The following FTO variants were observed in gnomAD, a reference collection of about 807,000 sequenced individuals.
The protein encoded by FTO is FTO alpha-ketoglutarate dependent dioxygenase.
In FTO, 47 loss-of-function variants were observed where a neutral mutation model predicts 63.9. The ratio of observed to expected loss-of-function variants is 0.74; its 90% CI spans 0.58 to 0.94. The LOEUF is 0.94. Among genes scored for constraint, FTO ranks in the 40% least tolerant of loss-of-function variants. The pLI is 0.00. For missense variants in FTO, 562 were observed against 618.1 expected (o/e 0.91, Z 0.96); for synonymous variants, 207 against 224.4 (o/e 0.92, Z 0.69).
At chr16:53,825,830 A>G (rs756784928) in intron 2 of FTO, 34 bp from the exon 3 acceptor site, 56 of 1,607,138 alleles carry the variant, frequency 3.5e-5, no homozygotes, top group Non-Finnish European at 5.1e-6. Flanking sequence ...GTAGCTATAT[A>G]TCAACGTCTG....
intron 8 of FTO, among the ~76,000 whole-genome samples, chr16:53,970,534 T>C (rs1317885090): frequency 6.9e-6 from 1 of 144,760 alleles, no homozygotes; most frequent in Non-Finnish European, 1.5e-5. Context: ...GAGGTCATAG[T>C]GAGCCGAGAT....
At chr16:53,803,626 G>A (rs1427379965) in intron 1 of FTO, among the ~76,000 whole-genome samples, 1 of 152,122 alleles carries the variant, frequency 6.6e-6, no homozygotes, top group Non-Finnish European at 1.5e-5. Flanking sequence ...CTTGCCTCAG[G>A]GATGGTGTGG....
At chr16:54,019,510 G>T (rs746296111) in intron 8 of FTO, among the ~76,000 whole-genome samples, 1 of 152,126 alleles carries the variant, frequency 6.6e-6, no homozygotes, top group Non-Finnish European at 1.5e-5. Context: ...CAAGTACTGG[G>T]CTTTGTCCAA....
At chr16:53,942,623 C>G (rs1258190507) in intron 8 of FTO, among the ~76,000 whole-genome samples, 2 of 152,194 alleles carry the variant, frequency 1.3e-5, no homozygotes, top group Admixed American at 1.3e-4. Flanking sequence ...TGGTCACCTG[C>G]TAATGTCCTC....
At chr16:53,766,192 G>A (rs1316183862) in intron 1 of FTO, among the ~76,000 whole-genome samples, 1 of 152,118 alleles carries the variant, frequency 6.6e-6, no homozygotes, top group Non-Finnish European at 1.5e-5. Flanking sequence ...AAATTTCCAG[G>A]CTTTTAGCTT....
Position 54,117,886 on chromosome 16 carries a change from C to G in FTO, c.*5971C>G, listed in dbSNP as rs1223718048. On this transcript the variant is annotated 3_prime_UTR_variant, in exon 9 of 9. Coordinates refer to ENST00000471389, the MANE Select transcript of FTO (RefSeq NM_001080432.3). Reference sequence around the variant, plus strand: ...AGGGGAGGGAAGCATTAATTAACCTCCAGCATTAGATTCAGTGATTCTTTT... The same window carrying G: ...AGGGGAGGGAAGCATTAATTAACCTGCAGCATTAGATTCAGTGATTCTTTT... 1 of 152,204 alleles carries G rather than the reference C, an allele frequency of 6.6e-6. No individual in the cohort carries two copies. Among genetic ancestry groups the G allele is most frequent in the Non-Finnish European group, 1.5e-5 (1 of 68,026 alleles). The allele number at this position is 152,204 out of a possible 1,614,324, so 9.4% of individuals were successfully genotyped here. A position where few individuals can be genotyped will look rare whatever the true frequency, so the allele number is the denominator to read the frequency against.
At chr16:53,915,823 G>C (rs894649094) in intron 7 of FTO, among the ~76,000 whole-genome samples, 1 of 152,210 alleles carries the variant, frequency 6.6e-6, no homozygotes, top group African/African-American at 2.4e-5. Flanking sequence ...TTTGGGTATG[G>C]AATGTGTAAC....
chr16:53,909,604 C>T (rs938714784), intron 7 of FTO, among the ~76,000 whole-genome samples: 4 of 139,932 alleles, frequency 2.9e-5, no homozygotes, highest in Non-Finnish European at 6.1e-5. Context: ...CACTCTGTCA[C>T]CCAGGCTGGA....
At chr16:53,903,256 G>GT (rs10566001) in intron 7 of FTO, among the ~76,000 whole-genome samples, 13,189 of 142,508 alleles carry the variant, frequency 0.093, 592 homozygotes, top group Middle Eastern at 0.1. Context: ...GGATATTCTA[G>GT]TTTTTTTTTT....
At chr16:53,986,785 G>T (rs2083678468) in intron 8 of FTO, among the ~76,000 whole-genome samples, 1 of 152,138 alleles carries the variant, frequency 6.6e-6, no homozygotes, top group African/African-American at 2.4e-5. Context: ...GTGTCTTTAG[G>T]CTGAGCTGTA....
intron 8 of FTO, among the ~76,000 whole-genome samples, chr16:54,068,706 T>A (rs1020303951): frequency 3.9e-5 from 6 of 152,186 alleles, no homozygotes; most frequent in Non-Finnish European, 7.3e-5. Flanking sequence ...TTATCATTTT[T>A]ACTACTTACA....
At chr16:54,111,651 C>T (rs1203753268) in intron 8 of FTO, 111 bp from the exon 9 acceptor site, 11 of 1,126,402 alleles carry the variant, frequency 9.8e-6, no homozygotes, top group African/African-American at 9.2e-5. Flanking sequence ...TGACCTTCAC[C>T]CCCGAGGACT....
At chr16:53,759,732 A>T (rs2077008974) in intron 1 of FTO, among the ~76,000 whole-genome samples, 1 of 151,392 alleles carries the variant, frequency 6.6e-6, no homozygotes, top group East Asian at 1.9e-4. Flanking sequence ...AAGAAATAAT[A>T]CAGGGTCATT....
At chr16:53,970,604 AAAAG>A (rs2083295093) in intron 8 of FTO, among the ~76,000 whole-genome samples, 1 of 151,460 alleles carries the variant, frequency 6.6e-6, no homozygotes, top group Admixed American at 6.6e-5. Context: ...AAAAAAAAAA[AAAAG>A]AAAAGAAAAA....
chr16:54,080,327 TCTA>T (rs1374782805), intron 8 of FTO, among the ~76,000 whole-genome samples: 2 of 152,254 alleles, frequency 1.3e-5, no homozygotes, highest in African/African-American at 4.8e-5. Context: ...CAGAAAATAT[TCTA>T]CTAATAATAA....
At chr16:53,705,666 A>G (rs534523353) in intron 1 of FTO, among the ~76,000 whole-genome samples, 123 of 152,298 alleles carry the variant, frequency 8.1e-4, no homozygotes, top group African/African-American at 2.9e-3. Flanking sequence ...TTCATGCTTG[A>G]GTCTGCATAT....
chr16:53,995,502 C>T (rs532314420), intron 8 of FTO, among the ~76,000 whole-genome samples: 5 of 152,292 alleles, frequency 3.3e-5, no homozygotes, highest in South Asian at 4.1e-4. Context: ...GTGAGAGACC[C>T]GGGGCTAGAA....
At chr16:53,807,957 G>T (rs531710270) in intron 1 of FTO, among the ~76,000 whole-genome samples, 4 of 152,098 alleles carry the variant, frequency 2.6e-5, no homozygotes, top group Admixed American at 1.3e-4. Context: ...ATCCAAACTG[G>T]TTTGTCGATT....
intron 8 of FTO, among the ~76,000 whole-genome samples, chr16:54,004,809 A>T (rs915886176): frequency 6.6e-6 from 1 of 152,070 alleles, no homozygotes; most frequent in African/African-American, 2.4e-5. Flanking sequence ...AGTGGCTCAC[A>T]CCTGTAATCC....
Sources: gnomAD v4.1 joint callset for allele counts (sites outside exome capture counted in the v4.1 genomes callset) on GRCh38, gnomAD v4.1.1 for gene constraint, MANE v1.5 for transcripts, NCBI Gene and HGNC (gene_info 2026-07-23, HGNC 2026-07-21) for gene names.